CLSTN2: variants seen among roughly 807,000 people sequenced by gnomAD.
The protein encoded by CLSTN2 is calsyntenin 2, also known as calsyntenin-2.
In CLSTN2, 48 loss-of-function variants were observed where a neutral mutation model predicts 101.2. That is an observed-to-expected ratio of 0.47 (90% CI 0.38 to 0.60). The LOEUF (loss-of-function observed/expected upper bound fraction) is 0.60. Among genes scored for constraint, CLSTN2 ranks in the 20% least tolerant of loss-of-function variants. CLSTN2 has a pLI of 0.00. For synonymous variants in CLSTN2, 481 were observed against 463.6 expected (o/e 1.04, Z -0.48); for missense variants, 1,160 against 1,238.2 (o/e 0.94, Z 0.95).
chr3:140,334,029 CG>C (rs1559841669), intron 2 of CLSTN2, among the ~76,000 whole-genome samples: 1 of 152,016 alleles, frequency 6.6e-6, no homozygotes, highest in Non-Finnish European at 1.5e-5. Flanking sequence ...GAGAAGAAGG[CG>C]GGGGGTAGAA....
intron 1 of CLSTN2, among the ~76,000 whole-genome samples, chr3:140,072,981 C>T (rs1039829096): frequency 6.6e-6 from 1 of 152,176 alleles, no homozygotes; most frequent in Non-Finnish European, 1.5e-5. Context: ...TTTCTCTTTT[C>T]AAATTACTCT....
chr3:140,532,704 A>G (rs7646789), intron 9 of CLSTN2, among the ~76,000 whole-genome samples: 7,241 of 152,288 alleles, frequency 0.048, 569 homozygotes, highest in African/African-American at 0.16. Context: ...TTTTAGATCG[A>G]CATGAGCAGT....
intron 9 of CLSTN2, 54 bp downstream of exon 9, chr3:140,532,540 G>T: frequency 6.9e-7 from 1 of 1,451,128 alleles, no homozygotes; most frequent in Non-Finnish European, 9.3e-7. Flanking sequence ...GTTCTTGGAA[G>T]ATACTTGTAG....
chr3:140,326,656 A>G (rs2087334479), intron 2 of CLSTN2, among the ~76,000 whole-genome samples: 1 of 152,196 alleles, frequency 6.6e-6, no homozygotes, highest in African/African-American at 2.4e-5. Context: ...AGCATTCTCC[A>G]AAAGCTACCA....
intron 1 of CLSTN2, among the ~76,000 whole-genome samples, chr3:139,966,999 C>T (rs918552389): frequency 1.6e-4 from 24 of 152,128 alleles, no homozygotes; most frequent in Admixed American, 1.3e-3. Flanking sequence ...TGGCTAGGGG[C>T]ATACACGTGA....
At chr3:140,391,349 G>A (rs1470384373) in intron 2 of CLSTN2, among the ~76,000 whole-genome samples, 1 of 120,376 alleles carries the variant, frequency 8.3e-6, no homozygotes, top group African/African-American at 3.4e-5. Flanking sequence ...TCACTGTCTA[G>A]AGCCCTTCAC....
chr3:140,404,001 A>G (rs184512372), intron 3 of CLSTN2, among the ~76,000 whole-genome samples, 177 bp downstream of exon 3: 1 of 152,050 alleles, frequency 6.6e-6, no homozygotes, highest in African/African-American at 2.4e-5. Flanking sequence ...TGCTTTCCAC[A>G]CCTGCAATAT....
intron 2 of CLSTN2, among the ~76,000 whole-genome samples, chr3:140,279,969 C>T (rs2086829272): frequency 6.6e-6 from 1 of 152,172 alleles, no homozygotes; most frequent in Non-Finnish European, 1.5e-5. Context: ...TGGTGGCTCG[C>T]TCCACTCTCT....
At chr3:140,435,720 C>T (rs960237367) in intron 5 of CLSTN2, among the ~76,000 whole-genome samples, 8 of 152,174 alleles carry the variant, frequency 5.3e-5, no homozygotes, top group South Asian at 2.1e-4. Context: ...TCCACATCCT[C>T]GCTAGCATTT....
At chr3:140,241,900 CACACAT>C (rs2086472083) in intron 2 of CLSTN2, among the ~76,000 whole-genome samples, 1 of 149,758 alleles carries the variant, frequency 6.7e-6, no homozygotes, top group Admixed American at 6.7e-5. Context: ...CACACACACA[CACACAT>C]ATATATATAT....
At chr3:140,416,249 T>G (rs1028176270) in intron 4 of CLSTN2, among the ~76,000 whole-genome samples, 2 of 152,110 alleles carry the variant, frequency 1.3e-5, no homozygotes, top group Non-Finnish European at 1.5e-5. Flanking sequence ...GCATATAAAC[T>G]TTAGTTATTA....
intron 2 of CLSTN2, among the ~76,000 whole-genome samples, chr3:140,249,412 G>A (rs1465413770): frequency 6.6e-6 from 1 of 152,156 alleles, no homozygotes; most frequent in Non-Finnish European, 1.5e-5. Context: ...CTGGCACCAT[G>A]TTGCTTTGGG....
At position 140,368,710 on chromosome 3, in the gene CLSTN2, A is replaced by G. The variant is rs118170765; in HGVS notation, c.233-34919A>G. On this transcript the variant is annotated intron_variant, in intron 2 of 16. Transcript: ENST00000458420. ...TAAAGAAGAGCCCACCACCTGTGCAAAGACTGGTCAGGACTTGAACCCTGA... is the reference window on the plus strand; with the variant it reads ...TAAAGAAGAGCCCACCACCTGTGCAGAGACTGGTCAGGACTTGAACCCTGA... 7.2e-5 allele frequency among the ~76,000 whole-genome samples: 11 copies of G among 152,274 alleles called. No individual in the cohort carries two copies. The East Asian group carries it at 2.1e-3, about 29-fold the overall frequency.
At chr3:140,151,273 C>A (rs1353814198) in intron 1 of CLSTN2, among the ~76,000 whole-genome samples, 1 of 152,028 alleles carries the variant, frequency 6.6e-6, no homozygotes, top group Middle Eastern at 3.2e-3. Context: ...TCGGGGATAC[C>A]TTTGACCTAT....
chr3:140,266,606 C>T (rs567058011), intron 2 of CLSTN2, among the ~76,000 whole-genome samples: 14 of 151,886 alleles, frequency 9.2e-5, no homozygotes, highest in South Asian at 2.1e-4. Flanking sequence ...TGTTCTGCCG[C>T]GAGTTGAAGC....
rs568435689 is a variant in CLSTN2, at chr3:140,028,159, G to A, written c.109+92676G>A. On this transcript the variant is annotated intron_variant, in intron 1 of 16. Transcript: ENST00000458420. ...GGATGATGATCTCTAGGACTTCCTG[G>A]ATCCCTAGCACATTGGGGGAATAGC... Among the ~76,000 whole-genome samples the A allele has an allele frequency of 6.6e-5, 10 of 152,302 alleles. No individual in the cohort carries two copies. The East Asian group carries it at 1.9e-3, about 29-fold the overall frequency.
At chr3:140,470,211 G>C (rs1365741027) in intron 8 of CLSTN2, among the ~76,000 whole-genome samples, 1 of 152,246 alleles carries the variant, frequency 6.6e-6, no homozygotes, top group Non-Finnish European at 1.5e-5. Context: ...GGCTCTGTGT[G>C]GGGTACCTGG....
At chr3:140,525,982 G>GC (rs903339452) in intron 8 of CLSTN2, among the ~76,000 whole-genome samples, 2 of 152,016 alleles carry the variant, frequency 1.3e-5, no homozygotes, top group Non-Finnish European at 2.9e-5. Flanking sequence ...ATGGAGAAAA[G>GC]CCCAAGAGGA....
At chr3:140,524,542 AAAAC>A (rs1392068292) in intron 8 of CLSTN2, among the ~76,000 whole-genome samples, 1 of 152,228 alleles carries the variant, frequency 6.6e-6, no homozygotes, top group Non-Finnish European at 1.5e-5. Context: ...ATTGAGGCAG[AAAAC>A]AAACAATAAA....
Sources: allele counts gnomAD v4.1 joint callset (sites outside exome capture counted in the v4.1 genomes callset), GRCh38; gene constraint gnomAD v4.1.1; transcripts MANE v1.5; gene names NCBI Gene and HGNC (gene_info 2026-07-23, HGNC 2026-07-21).